CCDC85C: variants seen among roughly 807,000 people sequenced by gnomAD.
The protein encoded by CCDC85C is coiled-coil domain-containing protein 85C.
In CCDC85C, 18 loss-of-function variants were observed where a neutral mutation model predicts 38.3. That is an observed-to-expected ratio of 0.47 (90% CI 0.33 to 0.70). CCDC85C has a LOEUF of 0.70. CCDC85C is among the 30% of genes least tolerant of loss of function. The probability of loss-of-function intolerance (pLI) is 0.03; values close to 1 mark genes in which losing one functional copy is unlikely to be tolerated. For synonymous variants in CCDC85C, 264 were observed against 293.8 expected, an observed-to-expected ratio of 0.90 and a Z score of 1.04; for missense variants, 566 against 621.2, an observed-to-expected ratio of 0.91 and a Z score of 0.94.
chr14:99,602,929 C>T (rs1210034160), intron 1 of CCDC85C, among the ~76,000 whole-genome samples: 1 of 152,190 alleles, frequency 6.6e-6, no homozygotes, highest in African/African-American at 2.4e-5. Context: ...TGGGACCGGA[C>T]CGGCAGCAGG....
chr14:99,531,214 C>G (rs995334018), intron 2 of CCDC85C, among the ~76,000 whole-genome samples: 5 of 152,150 alleles, frequency 3.3e-5, no homozygotes, highest in Admixed American at 1.3e-4. Flanking sequence ...CCCAGCCTCG[C>G]TCCCCAAGCT....
chr14:99,551,552 AGTGTGCAGGTGG>A (rs1897908342), intron 1 of CCDC85C, among the ~76,000 whole-genome samples: 1 of 136,520 alleles, frequency 7.3e-6, no homozygotes. Context: ...TGGGCAGGTG[AGTGTGCAGGTGG>A]GTGTGCAGGT....
At position 99,501,820 on chromosome 14, in the gene CCDC85C, G is replaced by T; in HGVS notation, c.*13426C>A. The stretch of plus-strand genomic sequence containing the variant: ...GTGGGAAACAGAATGCCTGTGAATG[G>T]AGTTGCTGCCAGCCCCATCCCACTG... On this transcript the variant is annotated 3_prime_UTR_variant, in exon 6 of 6. Transcript: ENST00000380243. The T allele has an allele frequency of 4.3e-6, 1 of 232,534 alleles. No homozygotes were observed. Among genetic ancestry groups the T allele is most frequent in the South Asian group, 8.0e-5 (1 of 12,464 alleles). 14.4% of individuals were successfully genotyped at this position (232,534 alleles called of 1,614,324 possible).
rs1897142704 is a variant in CCDC85C at position 99,512,027 on chromosome 14, C to T, written c.*3219G>A. 6.6e-6 allele frequency: 1 copy of T among 152,244 alleles called. No homozygotes were observed. Among genetic ancestry groups the T allele is most frequent in the Non-Finnish European group, 1.5e-5 (1 of 68,050 alleles). 9.4% of individuals were successfully genotyped at this position (152,244 alleles called of 1,614,324 possible). A position where few individuals can be genotyped will look rare whatever the true frequency, so the allele number is the denominator to read the frequency against. On this transcript the variant is annotated 3_prime_UTR_variant, in exon 6 of 6. Coordinates refer to ENST00000380243, the MANE Select transcript of CCDC85C (RefSeq NM_001144995.2). ...CACGACAGAAACAAGCACTGAGCAC[C>T]CAGCCAGGAGGCTCACAAAGAGGCC... is the stretch of plus-strand genomic sequence containing the variant.
At chr14:99,595,217 C>T (rs1012779221) in intron 1 of CCDC85C, among the ~76,000 whole-genome samples, 7 of 152,080 alleles carry the variant, frequency 4.6e-5, no homozygotes, top group African/African-American at 1.7e-4. Context: ...CATGACTTTG[C>T]TCGGCTCTTC....
intron 3 of CCDC85C, among the ~76,000 whole-genome samples, chr14:99,521,453 C>A (rs1480909695): frequency 6.6e-6 from 1 of 152,204 alleles, no homozygotes; most frequent in Non-Finnish European, 1.5e-5. Context: ...ACAGCTGCTA[C>A]AAGCGCACGT....
In CCDC85C at chr14:99,503,053, C is replaced by T; in HGVS notation, c.*12193G>A. ...GTGGCGGCAACACCTGAGCACTGTTCCCATTTCTAAGCGAGCACAGGGAAC... is the reference window on the plus strand; with the variant it reads ...GTGGCGGCAACACCTGAGCACTGTTTCCATTTCTAAGCGAGCACAGGGAAC... On this transcript the variant is annotated 3_prime_UTR_variant, in exon 6 of 6. Transcript: ENST00000380243. 1 of 1,532,370 alleles carries T rather than the reference C, an allele frequency of 6.5e-7. No individual in the cohort carries two copies. Among genetic ancestry groups the T allele is most frequent in the East Asian group, 2.2e-5 (1 of 44,476 alleles). 94.9% of individuals were successfully genotyped at this position (1,532,370 alleles called of 1,614,324 possible).
At chr14:99,584,684 G>A (rs141606035) in intron 1 of CCDC85C, among the ~76,000 whole-genome samples, 2 of 152,348 alleles carry the variant, frequency 1.3e-5, no homozygotes, top group African/African-American at 2.4e-5. Context: ...ACACTGAAAC[G>A]CAAATCCTTC....
intron 1 of CCDC85C, among the ~76,000 whole-genome samples, chr14:99,571,570 G>A (rs1258607610): frequency 5.9e-5 from 9 of 152,164 alleles, no homozygotes; most frequent in African/African-American, 1.4e-4. Context: ...GGGAGCAGGC[G>A]GGCCCCTCCA....
chr14:99,518,269 C>T (rs1897255291), intron 3 of CCDC85C, among the ~76,000 whole-genome samples: 1 of 151,944 alleles, frequency 6.6e-6, no homozygotes, highest in African/African-American at 2.4e-5. Flanking sequence ...CTGGCCTGGA[C>T]CTGCTCCCAG....
At chr14:99,591,174 C>T (rs117207233) in intron 1 of CCDC85C, among the ~76,000 whole-genome samples, 2,243 of 152,344 alleles carry the variant, frequency 0.015, 71 homozygotes, top group South Asian at 0.14. Context: ...TTAAAAGCCA[C>T]GTTCTTTGTT....
rs147618533 is a variant in CCDC85C at position 99,507,205 on chromosome 14, G to A, written c.*8041C>T. 501 of 1,014,990 alleles carry A rather than the reference G, an allele frequency of 4.9e-4. 3 individuals carry two copies. In the African/African-American group the frequency reaches 6.8e-3, roughly 14 times the overall value. The allele number at this position is 1,014,990 out of a possible 1,614,324, so 62.9% of individuals were successfully genotyped here. A position where few individuals can be genotyped will look rare whatever the true frequency, so the allele number is the denominator to read the frequency against. ...TGCACATCGCCTCTGAATGTTGGAC[G>A]CAGCAGGTCCTGGGAACTTAGAAAA... On this transcript the variant is annotated 3_prime_UTR_variant, in exon 6 of 6. Coordinates refer to ENST00000380243, the MANE Select transcript of CCDC85C (RefSeq NM_001144995.2).
Position 99,535,258 on chromosome 14 carries a change from G to A in CCDC85C, c.867+757C>T, listed in dbSNP as rs1897571794. Among the ~76,000 whole-genome samples, 1 of 152,234 alleles carries A rather than the reference G, an allele frequency of 6.6e-6. No individual in the cohort carries two copies. The highest frequency in any genetic ancestry group is 1.5e-5 in the Non-Finnish European group (1 of 68,034). The stretch of plus-strand genomic sequence containing the variant: ...CGCTCACGGCGCAGTGGGAAAAGCA[G>A]GGAGAGGGAGACTGGGATGAAGCCA... On this transcript the variant is annotated intron_variant, in intron 2 of 5. Coordinates refer to ENST00000380243, the MANE Select transcript of CCDC85C (RefSeq NM_001144995.2). This position sits in a 1 kb window ranked among gnomAD's most constrained non-coding sequence, Gnocchi z 5.5.
intron 1 of CCDC85C, among the ~76,000 whole-genome samples, chr14:99,571,734 A>G (rs1225075510): frequency 6.6e-6 from 1 of 152,244 alleles, no homozygotes; most frequent in Non-Finnish European, 1.5e-5. Flanking sequence ...GCACAGGGTA[A>G]TTTGTGGCCT....
At chr14:99,517,745 G>A (rs995139833) in intron 3 of CCDC85C, among the ~76,000 whole-genome samples, 1 of 152,164 alleles carries the variant, frequency 6.6e-6, no homozygotes, top group Non-Finnish European at 1.5e-5. Context: ...CTTGGGGAGG[G>A]GACCCAGCCT....
At chr14:99,568,367 G>C (rs940826671) in intron 1 of CCDC85C, among the ~76,000 whole-genome samples, 1 of 151,260 alleles carries the variant, frequency 6.6e-6, no homozygotes, top group Admixed American at 6.6e-5. Context: ...TAAAGGGCTG[G>C]AGTGGTGGGG....
chr14:99,562,977 G>T (rs1416001206), intron 1 of CCDC85C, among the ~76,000 whole-genome samples: 1 of 152,160 alleles, frequency 6.6e-6, no homozygotes, highest in Non-Finnish European at 1.5e-5. Context: ...CAGTCCAGGG[G>T]TCATTTATTT....
In CCDC85C at chr14:99,552,617, G is replaced by A. The variant is rs374079216; in HGVS notation, c.794-16529C>T. 4.2e-3 allele frequency among the ~76,000 whole-genome samples: 645 copies of A among 152,318 alleles called. 4 individuals carry two copies. Among genetic ancestry groups the A allele is most frequent in the African/African-American group, 0.015 (604 of 41,570 alleles). Reference sequence around the variant, plus strand: ...GCCAGCTGAAGGTGCTGGCACTGACGGAGCTGTTGCTGTCTGAGGTGTGGG... The same window carrying A: ...GCCAGCTGAAGGTGCTGGCACTGACAGAGCTGTTGCTGTCTGAGGTGTGGG... On this transcript the variant is annotated intron_variant, in intron 1 of 5. Coordinates refer to ENST00000380243, the MANE Select transcript of CCDC85C (RefSeq NM_001144995.2).
chr14:99,535,240 G>A lies in CCDC85C; in HGVS notation c.867+775C>T, dbSNP rs777831517. 4.6e-5 allele frequency among the ~76,000 whole-genome samples: 7 copies of A among 152,200 alleles called. No homozygotes were observed. Among genetic ancestry groups the A allele is most frequent in the Non-Finnish European group, 7.3e-5 (5 of 68,032 alleles). ...TGGGTATCCCAGGCTGACCGCTCAC[G>A]GCGCAGTGGGAAAAGCAGGGAGAGG... On this transcript the variant is annotated intron_variant, in intron 2 of 5. Coordinates refer to ENST00000380243, the MANE Select transcript of CCDC85C (RefSeq NM_001144995.2). The surrounding 1 kb of genome is among the most constrained non-coding windows in gnomAD (Gnocchi z 5.5).
Sources: allele counts gnomAD v4.1 joint callset (sites outside exome capture counted in the v4.1 genomes callset), GRCh38; gene constraint gnomAD v4.1.1; non-coding constraint Gnocchi (gnomAD v3.1); transcripts MANE v1.5; gene names NCBI Gene and HGNC (gene_info 2026-07-23, HGNC 2026-07-21).